NBEA: variants seen among roughly 807,000 people sequenced by gnomAD.
NBEA encodes neurobeachin, also known as lysosomal-trafficking regulator 2.
In NBEA, 44 loss-of-function variants were observed where a neutral mutation model predicts 343.4. The observed-to-expected ratio is 0.13, with a 90% CI of 0.10 to 0.16. The LOEUF (loss-of-function observed/expected upper bound fraction) is 0.16. Among genes scored for constraint, NBEA ranks in the 10% least tolerant of loss-of-function variants. The pLI is 1.00. For missense variants in NBEA, 2,555 were observed against 3,631.3 expected, an observed-to-expected ratio of 0.70 and a Z score of 7.62; for synonymous variants, 1,175 against 1,238.7, an observed-to-expected ratio of 0.95 and a Z score of 1.08.
intron 41 of NBEA, among the ~76,000 whole-genome samples, chr13:35,482,595 A>C (rs563519381): frequency 6.6e-6 from 1 of 151,686 alleles, no homozygotes; most frequent in African/African-American, 2.4e-5. Flanking sequence ...TGAACAGCAT[A>C]GTTTGTAAGA....
At chr13:35,602,943 G>T (rs984523456) in intron 47 of NBEA, among the ~76,000 whole-genome samples, 2 of 152,066 alleles carry the variant, frequency 1.3e-5, no homozygotes, top group Admixed American at 1.3e-4. Context: ...TTAGTCTTCT[G>T]CCACTTTTGC....
At chr13:35,201,004 A>AGTAC (rs887697732) in intron 31 of NBEA, among the ~76,000 whole-genome samples, 129 of 10,376 alleles carry the variant, frequency 0.012, 1 homozygote, top group African/African-American at 0.013. Context: ...ATTTGTTCTT[A>AGTAC]TTACTATTTT....
At chr13:35,094,196 GTC>G (rs1425163588) in intron 10 of NBEA, among the ~76,000 whole-genome samples, 1 of 151,940 alleles carries the variant, frequency 6.6e-6, no homozygotes, top group Non-Finnish European at 1.5e-5. Flanking sequence ...TTTTAATAGA[GTC>G]TCTAAGGAAT....
intron 39 of NBEA, among the ~76,000 whole-genome samples, chr13:35,445,593 GTAACT>G (rs1334299027): frequency 4.6e-5 from 7 of 151,576 alleles, no homozygotes; most frequent in Non-Finnish European, 1.0e-4. Flanking sequence ...TACATGAAAA[GTAACT>G]TAACTAATGT....
chr13:35,615,408 ATCTCAGC>A (rs767619863), intron 48 of NBEA, among the ~76,000 whole-genome samples: 2 of 151,808 alleles, frequency 1.3e-5, no homozygotes, highest in Non-Finnish European at 2.9e-5. Flanking sequence ...CAGTGGCACG[ATCTCAGC>A]TCACTGCAAC....
rs545524324 is a variant in NBEA, at chr13:35,255,379, T to C, written c.5776+22760T>C. Among the ~76,000 whole-genome samples, 663 of 152,356 alleles carry C rather than the reference T, an allele frequency of 4.4e-3. 5 individuals carry two copies. The highest frequency in any genetic ancestry group is 0.015 in the African/African-American group (639 of 41,588). On this transcript the variant is annotated intron_variant, in intron 34 of 58. Coordinates refer to ENST00000379939, the MANE Select transcript of NBEA (RefSeq NM_001385012.1). ...GGCATGCTGGGCTCATTCCGCCCAC[T>C]TGGCCTGACATGCTGCACTCAGCTC... is the stretch of plus-strand genomic sequence containing the variant.
At chr13:35,611,619 A>G (rs1292450699) in intron 48 of NBEA, among the ~76,000 whole-genome samples, 1 of 152,178 alleles carries the variant, frequency 6.6e-6, no homozygotes, top group East Asian at 1.9e-4. Context: ...TCAACTTTTT[A>G]TCTCCAAAGG....
chr13:35,177,771 A>C (rs2071017101), intron 28 of NBEA, among the ~76,000 whole-genome samples: 1 of 151,744 alleles, frequency 6.6e-6, no homozygotes, highest in South Asian at 2.1e-4. Context: ...GCCACTTTGA[A>C]TTCTGTTTTT....
At chr13:34,959,182 C>G (rs74455499) in intron 1 of NBEA, among the ~76,000 whole-genome samples, 2 of 151,692 alleles carry the variant, frequency 1.3e-5, no homozygotes, top group South Asian at 4.2e-4. Flanking sequence ...TTTAATGATT[C>G]TTTTTTTTAC....
chr13:35,383,831 A>C (rs1487153592), intron 38 of NBEA, among the ~76,000 whole-genome samples: 3 of 152,278 alleles, frequency 2.0e-5, no homozygotes, highest in Middle Eastern at 3.4e-3. Context: ...TTTAAAGACA[A>C]GGAAAAGAAT....
intron 38 of NBEA, among the ~76,000 whole-genome samples, chr13:35,427,127 T>G (rs539394225): frequency 7.7e-4 from 118 of 152,364 alleles, no homozygotes; most frequent in Non-Finnish European, 1.4e-3. Flanking sequence ...CCTTCTTCTC[T>G]CAACTCGTCA....
At chr13:34,949,380 C>G (rs1056384667) in intron 1 of NBEA, among the ~76,000 whole-genome samples, 3 of 152,080 alleles carry the variant, frequency 2.0e-5, no homozygotes, top group Admixed American at 1.3e-4. Context: ...AAAAACTTAC[C>G]AAAGTTTAAG....
chr13:35,403,685 A>G (rs1470163001), intron 38 of NBEA, among the ~76,000 whole-genome samples: 3 of 152,094 alleles, frequency 2.0e-5, no homozygotes, highest in Non-Finnish European at 4.4e-5. Context: ...CATTCAGGAC[A>G]TAGGCATGGG....
rs902958914 is a variant in NBEA at position 34,942,488 on chromosome 13, C to T, written c.-333C>T. The T allele has an allele frequency of 3.4e-5, 6 of 174,628 alleles. No individual in the cohort carries two copies. Among genetic ancestry groups the T allele is most frequent in the Non-Finnish European group, 4.8e-5 (4 of 83,230 alleles). 10.8% of individuals were successfully genotyped at this position (174,628 alleles called of 1,614,324 possible). A position where few individuals can be genotyped will look rare whatever the true frequency, so the allele number is the denominator to read the frequency against. On this transcript the variant is annotated 5_prime_UTR_variant, in exon 1 of 59. Transcript: ENST00000379939. ...CATCTCCGCGGGGGGCGGGCCGGGC[C>T]GGACAGACCGGGAGAGGGAGAGAGC...
At chr13:35,453,302 G>T (rs2046398342) in intron 40 of NBEA, among the ~76,000 whole-genome samples, 1 of 152,182 alleles carries the variant, frequency 6.6e-6, no homozygotes, top group Non-Finnish European at 1.5e-5. Context: ...TCTAATGCTA[G>T]TTCCTAGATA....
rs185685237 is a variant in NBEA at position 35,045,599 on chromosome 13, T to C, written c.723+198T>C. ...ATTCCCTTGTGCCTGTTGGAAGATA[T>C]TCCCCTCTACCCATCCCCACTCCTT... On this transcript the variant is annotated intron_variant, in intron 4 of 58. Coordinates refer to ENST00000379939, the MANE Select transcript of NBEA (RefSeq NM_001385012.1). 4.1e-4 allele frequency among the ~76,000 whole-genome samples: 62 copies of C among 152,300 alleles called. No individual in the cohort carries two copies. In the South Asian group the frequency reaches 4.1e-3, roughly 10 times the overall value.
At chr13:35,179,717 T>C (rs2071176270) in intron 28 of NBEA, 1 of 951,042 alleles carries the variant, frequency 1.1e-6, no homozygotes, top group South Asian at 4.9e-5. Context: ...TGCCTGGTAC[T>C]GAGTTTCTAG....
chr13:35,301,991 A>G (rs1317044548), intron 35 of NBEA, among the ~76,000 whole-genome samples: 1 of 152,164 alleles, frequency 6.6e-6, no homozygotes, highest in Non-Finnish European at 1.5e-5. Context: ...TGCTGTCTGT[A>G]TGGCTAAAGT....
chr13:35,064,046 G>A (rs1479919294), intron 8 of NBEA, among the ~76,000 whole-genome samples: 6 of 151,976 alleles, frequency 3.9e-5, no homozygotes, highest in Admixed American at 6.6e-5. Flanking sequence ...ATGGACATAG[G>A]TTATGGACAT....
Sources: gnomAD v4.1 joint callset for allele counts (sites outside exome capture counted in the v4.1 genomes callset) on GRCh38, gnomAD v4.1.1 for gene constraint, MANE v1.5 for transcripts, NCBI Gene and HGNC (gene_info 2026-07-23, HGNC 2026-07-21) for gene names.